The following AGBL3 variants were observed in gnomAD, a reference collection of about 807,000 sequenced individuals.
The protein encoded by AGBL3 is cytosolic carboxypeptidase 3.
A neutral mutation model predicts 94.5 loss-of-function variants in AGBL3; 68 were observed. The observed-to-expected ratio is 0.72, with a 90% CI of 0.59 to 0.88. The LOEUF (loss-of-function observed/expected upper bound fraction) is 0.88. AGBL3 is among the 40% of genes least tolerant of loss of function. AGBL3 has a pLI of 0.00. For synonymous variants in AGBL3, 354 were observed against 370.7 expected, an observed-to-expected ratio of 0.95 and a Z score of 0.52; for missense variants, 934 against 1,103.8, an observed-to-expected ratio of 0.85 and a Z score of 2.18.
chr7:135,112,735 C>A (rs1005332694), intron 15 of AGBL3, among the ~76,000 whole-genome samples: 2 of 152,184 alleles, frequency 1.3e-5, no homozygotes, highest in East Asian at 1.9e-4. Context: ...ATTTACCAAA[C>A]AAAAATAGTG....
In AGBL3 at chr7:135,034,201, C is replaced by T. The variant is rs1238308045; in HGVS notation, c.610C>T (p.His204Tyr). ...ACGCCCTGACCTCTTCACAAATAAA[C>T]ACACCCAGTGGTACTATTTCCAAGT... is the stretch of plus-strand genomic sequence containing the variant. The part of the protein sequence containing the change: ...TVRPDLFTNK[H>Y]TQWYYFQVTN... The change falls in exon 7 of 17, where the codon CAC (histidine) becomes TAC (tyrosine). Residue 204 changes from histidine (H) to tyrosine (Y), a missense_variant. By Grantham distance (83) the His-to-Tyr change is moderately conservative (BLOSUM62 2). This residue lies in a region of AGBL3 where 488 missense variants were observed against 563.6 expected (regional missense o/e 0.87). Transcript: ENST00000436302. 6.4e-7 allele frequency: 1 copy of T among 1,551,486 alleles called. No individual in the cohort carries two copies. Among genetic ancestry groups the T allele is most frequent in the South Asian group, 1.2e-5 (1 of 84,056 alleles).
rs1408592506 is a variant in AGBL3 at position 135,044,041 on chromosome 7, G to T, written c.1517G>T (p.Cys506Phe). The change falls in exon 9 of 17, where the codon TGC becomes TTC. Residue 506 changes from cysteine to phenylalanine, a missense_variant. Physicochemically the swap from Cys to Phe is radical, Grantham distance 205. Coordinates refer to ENST00000436302, the MANE Select transcript of AGBL3 (RefSeq NM_178563.4). The stretch of plus-strand genomic sequence containing the variant: ...GCTTTTCAGTTTTCATTCTCAGCTT[G>T]CAAGTTTAATGTCCAGAAGAGCAAA... ...NCPDKFSFSA[C>F]KFNVQKSKEG... 6.5e-7 allele frequency: 1 copy of T among 1,548,358 alleles called. No individual in the cohort carries two copies. Among genetic ancestry groups the T allele is most frequent in the Non-Finnish European group, 8.7e-7 (1 of 1,144,696 alleles).
intron 15 of AGBL3, among the ~76,000 whole-genome samples, chr7:135,091,143 G>A (rs1270330825): frequency 6.6e-6 from 1 of 152,136 alleles, no homozygotes; most frequent in African/African-American, 2.4e-5. Context: ...ATTCCCAGCT[G>A]ACCGTGGTTG....
intron 16 of AGBL3, among the ~76,000 whole-genome samples, chr7:135,134,512 A>G (rs1829210280): frequency 6.6e-6 from 1 of 152,100 alleles, no homozygotes; most frequent in Admixed American, 6.6e-5. Flanking sequence ...GCAAACAACT[A>G]CTTTACTTTT....
chr7:135,104,971 T>C, intron 15 of AGBL3, among the ~76,000 whole-genome samples: 1 of 152,110 alleles, frequency 6.6e-6, no homozygotes, highest in East Asian at 1.9e-4. Context: ...TGATTGCTTT[T>C]GGTGTCCTTG....
Position 135,034,352 on chromosome 7 carries a change from T to C in AGBL3, c.761T>C (p.Ile254Thr), listed in dbSNP as rs1472302041. Residue 254 changes from isoleucine to threonine, a missense_variant, in exon 7 of 17, where the codon ATT (isoleucine) becomes ACT (threonine). Ile to Thr is a moderately conservative substitution (Grantham distance 89). Coordinates refer to ENST00000436302, the MANE Select transcript of AGBL3 (RefSeq NM_178563.4). ...YSEKEAKAHH[I>T]GWQRIGDQIK... Reference sequence around the variant, plus strand: ...GAAAAAGAGGCCAAGGCTCATCACATTGGCTGGCAGAGAATAGGAGACCAA... The same window carrying C: ...GAAAAAGAGGCCAAGGCTCATCACACTGGCTGGCAGAGAATAGGAGACCAA... The C allele has an allele frequency of 6.4e-7, 1 of 1,551,696 alleles. No individual in the cohort carries two copies. Among genetic ancestry groups the C allele is most frequent in the Admixed American group, 2.0e-5 (1 of 51,004 alleles).
intron 11 of AGBL3, among the ~76,000 whole-genome samples, chr7:135,053,999 A>T (rs1436654995): frequency 6.6e-6 from 1 of 152,204 alleles, no homozygotes; most frequent in African/African-American, 2.4e-5. Flanking sequence ...TTATTTAAAA[A>T]TTTGTTTACT....
At chr7:135,123,327 T>A (rs1475239437) in intron 16 of AGBL3, among the ~76,000 whole-genome samples, 1 of 151,972 alleles carries the variant, frequency 6.6e-6, no homozygotes, top group Non-Finnish European at 1.5e-5. Context: ...AAATAAGGCA[T>A]GCAGACAAGA....
chr7:135,063,355 G>T (rs1355542608), intron 12 of AGBL3, among the ~76,000 whole-genome samples: 1 of 151,578 alleles, frequency 6.6e-6, no homozygotes, highest in East Asian at 1.9e-4. Flanking sequence ...TTTTTGCTCT[G>T]ATATTATTTT....
At chr7:135,129,096 G>C (rs1439196530) in intron 16 of AGBL3, 4 of 1,591,950 alleles carry the variant, frequency 2.5e-6, no homozygotes, top group Non-Finnish European at 3.4e-6. Context: ...GGCCACTACT[G>C]GTCAGGTCAA....
At chr7:135,043,094 C>T (rs1262810428) in intron 8 of AGBL3, among the ~76,000 whole-genome samples, 4 of 152,130 alleles carry the variant, frequency 2.6e-5, no homozygotes, top group African/African-American at 9.7e-5. Context: ...CAACACTAAT[C>T]TTCATTCCTA....
Position 135,115,581 on chromosome 7 carries a change from A to G in AGBL3, c.2312A>G (p.Asn771Ser). 3.2e-6 allele frequency: 5 copies of G among 1,550,602 alleles called. No homozygotes were observed. Among genetic ancestry groups the G allele is most frequent in the Non-Finnish European group, 4.4e-6 (5 of 1,146,372 alleles). The stretch of plus-strand genomic sequence containing the variant: ...ACCACTCAGATAAAACAGCTATTCA[A>G]TCCAAGAACCAACTTCCAAATCCAA... Reference protein sequence around the residue: ...MQTTQIKQLFNPRTNFQIQHQ... With the variant: ...MQTTQIKQLFSPRTNFQIQHQ... The change falls in exon 16 of 17, where the codon AAT becomes AGT. Residue 771 changes from asparagine to serine, a missense_variant. Asn to Ser is a conservative substitution (Grantham distance 46). Transcript: ENST00000436302.
At chr7:135,068,493 G>T (rs1360120311) in intron 12 of AGBL3, among the ~76,000 whole-genome samples, 2 of 152,092 alleles carry the variant, frequency 1.3e-5, no homozygotes, top group East Asian at 3.9e-4. Flanking sequence ...GAGAAAGGTC[G>T]GGTTACCCAC....
At chr7:135,002,790 T>C (rs1289236886) in intron 4 of AGBL3, among the ~76,000 whole-genome samples, 1 of 152,206 alleles carries the variant, frequency 6.6e-6, no homozygotes, top group Non-Finnish European at 1.5e-5. Flanking sequence ...CAATCTGATA[T>C]TGTTTACTTG....
chr7:135,103,408 G>C (rs1219955133), intron 15 of AGBL3, among the ~76,000 whole-genome samples: 1 of 152,084 alleles, frequency 6.6e-6, no homozygotes, highest in African/African-American at 2.4e-5. Context: ...ATCTGTTCTT[G>C]AATCAAACTC....
At chr7:135,032,617 C>G (rs1815884200) in intron 5 of AGBL3, among the ~76,000 whole-genome samples, 1 of 151,962 alleles carries the variant, frequency 6.6e-6, no homozygotes. Context: ...TGCGCCTGGC[C>G]AAATGAGTAT....
At chr7:135,082,946 A>T (rs1273426747) in intron 15 of AGBL3, among the ~76,000 whole-genome samples, 3 of 152,000 alleles carry the variant, frequency 2.0e-5, no homozygotes. Context: ...CACATATCCA[A>T]ATTCAAATTC....
chr7:135,070,088 T>A (rs1350617795), intron 12 of AGBL3, among the ~76,000 whole-genome samples: 2 of 152,286 alleles, frequency 1.3e-5, no homozygotes, highest in East Asian at 1.9e-4. Flanking sequence ...CAGAGAATAC[T>A]ATAAACACCT....
At chr7:135,049,082 T>C (rs1038397696) in intron 11 of AGBL3, among the ~76,000 whole-genome samples, 2 of 151,932 alleles carry the variant, frequency 1.3e-5, no homozygotes, top group African/African-American at 4.8e-5. Flanking sequence ...GGGCTTTTCA[T>C]ATACGGCCTA....
Sources: allele counts gnomAD v4.1 joint callset (sites outside exome capture counted in the v4.1 genomes callset), GRCh38; gene constraint gnomAD v4.1.1; regional missense constraint gnomAD v4.1.1; transcripts MANE v1.5; gene names NCBI Gene and HGNC (gene_info 2026-07-23, HGNC 2026-07-21).